Variants in RUNX1 observed in about 807,000 individuals in gnomAD.
The protein encoded by RUNX1 is runt-related transcription factor 1.
In RUNX1, 19 loss-of-function variants were observed where a neutral mutation model predicts 42.8. The observed-to-expected ratio is 0.44, with a 90% CI of 0.31 to 0.65. The LOEUF (loss-of-function observed/expected upper bound fraction) is 0.65. Among genes scored for constraint, RUNX1 ranks in the 30% least tolerant of loss-of-function variants. RUNX1 has a pLI of 0.07. For synonymous variants in RUNX1, 271 were observed against 289.4 expected (o/e 0.94, Z 0.64); for missense variants, 528 against 672.0 (o/e 0.79, Z 2.37).
chr21:35,021,287 A>C (rs1011256926), intron 2 of RUNX1, among the ~76,000 whole-genome samples: 4 of 152,214 alleles, frequency 2.6e-5, no homozygotes, highest in African/African-American at 9.7e-5. Flanking sequence ...ATGAGTTATT[A>C]TCTGCAAAGC....
At chr21:34,918,677 A>C (rs1223952279) in intron 2 of RUNX1, among the ~76,000 whole-genome samples, 2 of 152,210 alleles carry the variant, frequency 1.3e-5, no homozygotes, top group African/African-American at 4.8e-5. Context: ...TGGGAGGCCA[A>C]GGCAGGTGGA....
chr21:34,895,185 A>C (rs1279490224), intron 2 of RUNX1, among the ~76,000 whole-genome samples: 1 of 152,158 alleles, frequency 6.6e-6, no homozygotes, highest in East Asian at 1.9e-4. Flanking sequence ...GCCAAGGTCC[A>C]TTTGGCTGAG....
chr21:34,871,807 TG>T lies in RUNX1; in HGVS notation c.508+8749del, dbSNP rs375492605. Among the ~76,000 whole-genome samples the T allele has an allele frequency of 5.3e-5, 8 of 151,996 alleles. No homozygotes were observed. In the South Asian group the frequency reaches 8.3e-4, roughly 16 times the overall value. On this transcript the variant is annotated intron_variant, in intron 5 of 8. Transcript: ENST00000675419. ...CTGAGCCATTTTGGTGTCTGGGAGTTGTCTGTCAGTGACACACACCAAGACC... is the reference window on the plus strand; with the variant it reads ...CTGAGCCATTTTGGTGTCTGGGAGTTTCTGTCAGTGACACACACCAAGACC...
intron 2 of RUNX1, among the ~76,000 whole-genome samples, chr21:35,036,098 G>A (rs556429804): frequency 6.6e-6 from 1 of 152,216 alleles, no homozygotes; most frequent in African/African-American, 2.4e-5. Context: ...GGGAGCAGGT[G>A]GGCCACCGAG....
At position 35,045,537 on chromosome 21, in the gene RUNX1, G is replaced by C. The variant is rs544934553; in HGVS notation, c.58+3305C>G. On this transcript the variant is annotated intron_variant, in intron 2 of 8. Transcript: ENST00000675419. ...AGAGATTAGGATACAGACACACACA[G>C]AGGGATAACCATGTGATGAAACAGG... 3.9e-5 allele frequency among the ~76,000 whole-genome samples: 6 copies of C among 152,250 alleles called. No homozygotes were observed. In the South Asian group the frequency reaches 8.3e-4, roughly 21 times the overall value.
intron 5 of RUNX1, among the ~76,000 whole-genome samples, chr21:34,876,408 C>A (rs187732971): frequency 3.5e-4 from 53 of 152,296 alleles, no homozygotes; most frequent in African/African-American, 1.3e-3. Flanking sequence ...CTACTATATG[C>A]GGCATAGGGC....
At position 34,958,885 on chromosome 21, in the gene RUNX1, T is replaced by C. The variant is rs575657063; in HGVS notation, c.59-65922A>G. Among the ~76,000 whole-genome samples the C allele has an allele frequency of 6.0e-3, 908 of 152,106 alleles. 7 individuals are homozygous for C. The highest frequency in any genetic ancestry group is 0.02 in the African/African-American group (840 of 41,476). ...CTATGCAGCCATAAAAAAGGATGAG[T>C]TCATGTCCTTTGTAGGGACATGGAT... On this transcript the variant is annotated intron_variant, in intron 2 of 8. Coordinates refer to ENST00000675419, the MANE Select transcript of RUNX1 (RefSeq NM_001754.5).
intron 5 of RUNX1, among the ~76,000 whole-genome samples, chr21:34,876,088 C>T (rs918982389): frequency 6.6e-6 from 1 of 152,170 alleles, no homozygotes; most frequent in African/African-American, 2.4e-5. Flanking sequence ...ACACAAATTC[C>T]GCCAAGAAAC....
At chr21:34,891,078 T>A (rs886626300) in intron 3 of RUNX1, among the ~76,000 whole-genome samples, 3 of 151,916 alleles carry the variant, frequency 2.0e-5, no homozygotes, top group African/African-American at 7.3e-5. Flanking sequence ...CTCCTCTGGG[T>A]CTCGGGCCGC....
chr21:35,006,867 G>A (rs935938660), intron 2 of RUNX1, among the ~76,000 whole-genome samples: 2 of 152,162 alleles, frequency 1.3e-5, no homozygotes, highest in Non-Finnish European at 2.9e-5. Flanking sequence ...AGGAGCTCCT[G>A]ATTCACCCAG....
At chr21:34,862,510 G>A (rs181725765) in intron 5 of RUNX1, among the ~76,000 whole-genome samples, 21 of 152,166 alleles carry the variant, frequency 1.4e-4, no homozygotes, top group Admixed American at 1.2e-3. Flanking sequence ...CAAGGTGGCA[G>A]CAGGGCCACA....
chr21:34,952,886 G>T (rs1601603883), intron 2 of RUNX1, among the ~76,000 whole-genome samples: 1 of 152,292 alleles, frequency 6.6e-6, no homozygotes. Flanking sequence ...TCTCAGTGAG[G>T]TTATGTAATT....
intron 3 of RUNX1, among the ~76,000 whole-genome samples, chr21:34,890,615 T>C (rs2058070260): frequency 6.6e-6 from 1 of 152,320 alleles, no homozygotes; most frequent in East Asian, 1.9e-4. Context: ...CCCTGGGCAC[T>C]GCCAGCACCC....
intron 2 of RUNX1, among the ~76,000 whole-genome samples, chr21:34,977,591 C>G (rs1035198315): frequency 6.6e-6 from 1 of 152,236 alleles, no homozygotes; most frequent in African/African-American, 2.4e-5. Flanking sequence ...CCAAAACATA[C>G]TTTAAACTGT....
intron 7 of RUNX1, among the ~76,000 whole-genome samples, chr21:34,803,944 T>C (rs2056643908): frequency 6.6e-6 from 1 of 152,204 alleles, no homozygotes; most frequent in Non-Finnish European, 1.5e-5. Context: ...TAGTTTCAGT[T>C]CCAAAATTTA....
At chr21:34,860,602 G>A (rs1437643807) in intron 5 of RUNX1, among the ~76,000 whole-genome samples, 2 of 151,968 alleles carry the variant, frequency 1.3e-5, no homozygotes, top group Non-Finnish European at 2.9e-5. Context: ...TCTATAATAG[G>A]ACCCTAACAT....
At chr21:35,041,074 A>T (rs1288741012) in intron 2 of RUNX1, among the ~76,000 whole-genome samples, 1 of 152,170 alleles carries the variant, frequency 6.6e-6, no homozygotes, top group Non-Finnish European at 1.5e-5. Context: ...CTCAGGCTAT[A>T]TTTGATTTAT....
intron 2 of RUNX1, among the ~76,000 whole-genome samples, chr21:34,899,279 G>A (rs1005305970): frequency 3.4e-4 from 52 of 152,158 alleles, no homozygotes; most frequent in African/African-American, 1.2e-3. Context: ...TCACATTGAA[G>A]CCCTAATCCT....
At chr21:34,921,450 T>C (rs549280960) in intron 2 of RUNX1, among the ~76,000 whole-genome samples, 2 of 152,350 alleles carry the variant, frequency 1.3e-5, no homozygotes, top group South Asian at 4.1e-4. Context: ...TCATCCATAT[T>C]GTAGCATAAG....
Sources: gnomAD v4.1 joint callset for allele counts (sites outside exome capture counted in the v4.1 genomes callset) on GRCh38, gnomAD v4.1.1 for gene constraint, MANE v1.5 for transcripts, NCBI Gene and HGNC (gene_info 2026-07-23, HGNC 2026-07-21) for gene names.